Variants in PDZD2 observed in about 807,000 individuals in gnomAD.
PDZD2 encodes PDZ domain-containing protein 2.
PDZD2 carries 90 observed loss-of-function variants against 220.7 expected under a neutral mutation model. The observed-to-expected ratio is 0.41, with a 90% CI of 0.34 to 0.49. The LOEUF (loss-of-function observed/expected upper bound fraction) is 0.49. Among genes scored for constraint, PDZD2 ranks in the 20% least tolerant of loss-of-function variants. The pLI is 0.28. For missense variants in PDZD2, 3,174 were observed against 3,608.5 expected, an observed-to-expected ratio of 0.88 and a Z score of 3.08; for synonymous variants, 1,375 against 1,450.5, an observed-to-expected ratio of 0.95 and a Z score of 1.18.
intron 1 of PDZD2, among the ~76,000 whole-genome samples, chr5:31,642,825 C>G (rs1423314047): frequency 6.6e-6 from 1 of 152,156 alleles, no homozygotes; most frequent in East Asian, 1.9e-4. Context: ...TTGCTGAGAC[C>G]TGGGGTCACT....
At chr5:32,054,543 T>G (rs1738916463) in intron 10 of PDZD2, among the ~76,000 whole-genome samples, 1 of 151,908 alleles carries the variant, frequency 6.6e-6, no homozygotes, top group Non-Finnish European at 1.5e-5. Flanking sequence ...CAGGCTGGTC[T>G]CAAACACCTG....
chr5:31,849,882 A>G (rs1384404436), intron 2 of PDZD2, among the ~76,000 whole-genome samples: 2 of 39,340 alleles, frequency 5.1e-5, no homozygotes, highest in African/African-American at 2.8e-4. Flanking sequence ...ATATATATAT[A>G]TATATACACA....
At chr5:31,797,370 G>A (rs1222297919) in intron 1 of PDZD2, among the ~76,000 whole-genome samples, 2 of 152,086 alleles carry the variant, frequency 1.3e-5, no homozygotes, top group South Asian at 2.1e-4. Context: ...AGTCTACGAT[G>A]TGGTAGGTGC....
At chr5:31,711,791 C>T (rs1197704045) in intron 1 of PDZD2, among the ~76,000 whole-genome samples, 3 of 152,232 alleles carry the variant, frequency 2.0e-5, no homozygotes, top group Non-Finnish European at 2.9e-5. Context: ...CGAGGGTTAT[C>T]TGCAGCAGGC....
intron 2 of PDZD2, among the ~76,000 whole-genome samples, chr5:31,826,208 T>C (rs1756207839): frequency 6.6e-6 from 1 of 152,186 alleles, no homozygotes; most frequent in African/African-American, 2.4e-5. Context: ...CATGCCCGGC[T>C]GTGGGCTGCT....
At chr5:32,040,314 C>T (rs1419897889) in intron 7 of PDZD2, among the ~76,000 whole-genome samples, 1 of 150,676 alleles carries the variant, frequency 6.6e-6, no homozygotes, top group Non-Finnish European at 1.5e-5. Context: ...GGGGGCGCCT[C>T]TGCCCAGCTG....
chr5:31,932,825 C>T (rs886958380), intron 2 of PDZD2, among the ~76,000 whole-genome samples: 3 of 152,104 alleles, frequency 2.0e-5, no homozygotes, highest in Non-Finnish European at 4.4e-5. Flanking sequence ...GTGAATTTTA[C>T]TATTCTGAGT....
At chr5:31,655,968 T>C (rs887741608) in intron 1 of PDZD2, among the ~76,000 whole-genome samples, 1 of 152,242 alleles carries the variant, frequency 6.6e-6, no homozygotes, top group Non-Finnish European at 1.5e-5. Flanking sequence ...TATTAGGGTT[T>C]AAATTGGATC....
chr5:31,676,151 G>A (rs1746404333), intron 1 of PDZD2, among the ~76,000 whole-genome samples: 2 of 152,126 alleles, frequency 1.3e-5, no homozygotes, highest in Non-Finnish European at 2.9e-5. Context: ...TTAGCCTTAA[G>A]CTTTTTTCAT....
chr5:32,084,948 C>CTTTTTTTTTTT, intron 19 of PDZD2, among the ~76,000 whole-genome samples: 1 of 94,474 alleles, frequency 1.1e-5, no homozygotes. Flanking sequence ...ATTCTGTTGC[C>CTTTTTTTTTTT]TTTTTTTTTT....
At chr5:31,910,427 GA>G (rs1743077851) in intron 2 of PDZD2, among the ~76,000 whole-genome samples, 1 of 109,336 alleles carries the variant, frequency 9.1e-6, no homozygotes, top group African/African-American at 3.2e-5. Flanking sequence ...TTTTTTTTGA[GA>G]CAGAGTCTCA....
intron 5 of PDZD2, among the ~76,000 whole-genome samples, chr5:32,003,351 CACACA>C (rs1752504265): frequency 1.6e-5 from 1 of 62,358 alleles, no homozygotes; most frequent in African/African-American, 6.8e-5. Flanking sequence ...ACACACACAC[CACACA>C]CCACACCACA....
At position 32,000,066 on chromosome 5, in the gene PDZD2, G is replaced by A; in HGVS notation, c.1122-73G>A. The A allele has an allele frequency of 7.1e-7, 1 of 1,399,178 alleles. No homozygotes were observed. The highest frequency in any genetic ancestry group is 1.0e-6 in the Non-Finnish European group (1 of 997,930). The allele number at this position is 1,399,178 out of a possible 1,614,324, so 86.7% of individuals were successfully genotyped here. Reference sequence around the variant, plus strand: ...CCGTCCCTCCTCACAACCCTCCCTAGCTCCAGAAAATGGCCCTTCTCAGGC... The same window carrying A: ...CCGTCCCTCCTCACAACCCTCCCTAACTCCAGAAAATGGCCCTTCTCAGGC... On this transcript the variant is annotated intron_variant, in intron 4 of 24. Coordinates refer to ENST00000438447, the MANE Select transcript of PDZD2 (RefSeq NM_178140.4). This position sits in a 1 kb window ranked among gnomAD's most constrained non-coding sequence, Gnocchi z 4.5.
At chr5:31,822,894 G>A (rs1755970867) in intron 2 of PDZD2, 2 of 834,620 alleles carry the variant, frequency 2.4e-6, no homozygotes, top group African/African-American at 1.7e-5. Flanking sequence ...TGACACCCTT[G>A]ATCATGTTCT....
intron 2 of PDZD2, among the ~76,000 whole-genome samples, chr5:31,930,023 G>A (rs917479811): frequency 1.2e-4 from 18 of 151,956 alleles, no homozygotes; most frequent in African/African-American, 3.9e-4. Context: ...AGCTCTCCTC[G>A]TGCCATGTGA....
At chr5:32,012,699 C>T (rs546419241) in intron 6 of PDZD2, among the ~76,000 whole-genome samples, 45 of 151,980 alleles carry the variant, frequency 3.0e-4, no homozygotes, top group African/African-American at 1.1e-3. Flanking sequence ...AAAAAAATTT[C>T]TTCAGTCATA....
At chr5:31,927,756 T>C (rs1433892903) in intron 2 of PDZD2, among the ~76,000 whole-genome samples, 2 of 152,160 alleles carry the variant, frequency 1.3e-5, no homozygotes, top group East Asian at 1.9e-4. Flanking sequence ...CCAGAAGATC[T>C]ATGCTTATCT....
chr5:31,946,945 CCT>C (rs1746690893), intron 2 of PDZD2, among the ~76,000 whole-genome samples: 1 of 152,188 alleles, frequency 6.6e-6, no homozygotes, highest in Non-Finnish European at 1.5e-5. Flanking sequence ...CTCAAGAGAT[CCT>C]CTCACTTCTC....
intron 2 of PDZD2, among the ~76,000 whole-genome samples, chr5:31,919,880 C>A (rs1353641115): frequency 6.7e-6 from 1 of 149,270 alleles, no homozygotes; most frequent in Non-Finnish European, 1.5e-5. Flanking sequence ...ATGAACCAGG[C>A]GTGGTGGTGT....
Sources: allele counts gnomAD v4.1 joint callset (sites outside exome capture counted in the v4.1 genomes callset), GRCh38; gene constraint gnomAD v4.1.1; non-coding constraint Gnocchi (gnomAD v3.1); transcripts MANE v1.5; gene names NCBI Gene and HGNC (gene_info 2026-07-23, HGNC 2026-07-21).